The following SPEN variants were observed in gnomAD, a reference collection of about 807,000 sequenced individuals.
SPEN encodes the protein spen family transcriptional repressor.
In SPEN, 18 loss-of-function variants were observed where a neutral mutation model predicts 269.9. The observed-to-expected ratio is 0.07, with a 90% CI of 0.05 to 0.10. The LOEUF is 0.10. Ranked by LOEUF, SPEN falls within the 10% of genes least tolerant of loss-of-function variation. SPEN has a pLI of 1.00. For synonymous variants in SPEN, 1,726 were observed against 1,765.7 expected (o/e 0.98, Z 0.56); for missense variants, 3,822 against 4,631.2 (o/e 0.83, Z 5.07).
In SPEN at chr1:15,932,426, T is replaced by G. The variant is rs762467157; in HGVS notation, c.6186T>G (p.Val2062=). 5.6e-6 allele frequency: 9 copies of G among 1,613,594 alleles called. 1 individual carries two copies. In the South Asian group the frequency reaches 7.7e-5, roughly 14 times the overall value. The change falls in exon 11 of 15, where the codon GTT becomes GTG. Residue 2062 remains valine, a synonymous_variant. Transcript: ENST00000375759. This position sits in a 1 kb window ranked among gnomAD's most constrained non-coding sequence, Gnocchi z 4.2. ...CCCCTGAAACCGCCCCTGTTGAAGT[T>G]GTAGAGAAAAAACCGGCCCCTGAAA... ...KNPPETAPVE[V]VEKKPAPEKN... is the part of the protein sequence containing the mutation.
rs770247122 is a variant in SPEN, at chr1:15,934,416, A to G, written c.8176A>G (p.Asn2726Asp). 1 of 1,613,840 alleles carries G rather than the reference A, an allele frequency of 6.2e-7. No homozygotes were observed. Among genetic ancestry groups the G allele is most frequent in the Non-Finnish European group, 8.5e-7 (1 of 1,180,024 alleles). ...AGTGAATGCCGCCCCAGGCACAGTC[A>G]ATGCCGCTGCGAGTGCAGTGAATGC... ...GTVNAAPGTV[N>D]AAASAVNATA... Residue 2726 changes from asparagine to aspartate, a missense_variant, in exon 11 of 15, where the codon AAT becomes GAT. Asn to Asp is a conservative substitution (Grantham distance 23, BLOSUM62 1). This residue lies in a region of SPEN where 329 missense variants were observed against 431.2 expected (regional missense o/e 0.76). Coordinates refer to ENST00000375759, the MANE Select transcript of SPEN (RefSeq NM_015001.3). This position sits in a 1 kb window ranked among gnomAD's most constrained non-coding sequence, Gnocchi z 9.2.
intron 2 of SPEN, chr1:15,873,415 T>C: frequency 8.8e-7 from 1 of 1,136,786 alleles, no homozygotes; most frequent in Non-Finnish European, 1.1e-6. Context: ...CTTCTAGAAT[T>C]ACTTATTCCT....
At chr1:15,911,615 C>G (rs2071012629) in intron 5 of SPEN, among the ~76,000 whole-genome samples, 1 of 152,136 alleles carries the variant, frequency 6.6e-6, no homozygotes, top group Non-Finnish European at 1.5e-5. Flanking sequence ...TTTATCAAAA[C>G]TAGGAGGTAG....
chr1:15,859,992 A>C (rs1333438903), intron 1 of SPEN, among the ~76,000 whole-genome samples: 1 of 129,606 alleles, frequency 7.7e-6, no homozygotes, highest in Non-Finnish European at 1.5e-5. Flanking sequence ...GCTCACTGCA[A>C]GCTCCACCTC....
At position 15,937,546 on chromosome 1, in the gene SPEN, A is replaced by T. The variant is rs1553180369; in HGVS notation, c.10410A>T (p.Gly3470=). 1 of 1,614,102 alleles carries T rather than the reference A, an allele frequency of 6.2e-7. No individual in the cohort carries two copies. The highest frequency in any genetic ancestry group is 1.1e-5 in the South Asian group (1 of 91,084). The change falls in exon 12 of 15, where the codon GGA becomes GGT. Residue 3470 remains glycine, a synonymous_variant. Coordinates refer to ENST00000375759, the MANE Select transcript of SPEN (RefSeq NM_015001.3). This position sits in a 1 kb window ranked among gnomAD's most constrained non-coding sequence, Gnocchi z 5.7. ...PTTSGPSTPP[G]LVLPHTEFQP... ...CCTCTGGCCCCAGCACCCCACCAGGACTGGTTCTGCCACACACTGAATTCC... is the reference window on the plus strand; with the variant it reads ...CCTCTGGCCCCAGCACCCCACCAGGTCTGGTTCTGCCACACACTGAATTCC...
At chr1:15,870,075 G>A (rs1024833024) in intron 1 of SPEN, among the ~76,000 whole-genome samples, 1 of 152,050 alleles carries the variant, frequency 6.6e-6, no homozygotes, top group Non-Finnish European at 1.5e-5. Context: ...CACCATGTTG[G>A]TCAGGCTGGG....
At chr1:15,905,832 CA>C (rs2070950706) in intron 3 of SPEN, among the ~76,000 whole-genome samples, 2 of 152,122 alleles carry the variant, frequency 1.3e-5, no homozygotes, top group Non-Finnish European at 2.9e-5. Context: ...CTCAGCCTCC[CA>C]AAGTGCTGGG....
At position 15,848,591 on chromosome 1, in the gene SPEN, G is replaced by T. The variant is rs2070301049; in HGVS notation, c.83+441G>T. Among the ~76,000 whole-genome samples the T allele has an allele frequency of 6.6e-6, 1 of 150,434 alleles. No homozygotes were observed. The highest frequency in any genetic ancestry group is 2.2e-4 in the South Asian group (1 of 4,650). ...GCCGCCACTCCAAGCTGCTCTGCGG[G>T]CGCTCGGCAATGTCTGACTTCGGGA... is the stretch of plus-strand genomic sequence containing the variant. On this transcript the variant is annotated intron_variant, in intron 1 of 14. Transcript: ENST00000375759. This position sits in a 1 kb window ranked among gnomAD's most constrained non-coding sequence, Gnocchi z 5.1.
chr1:15,888,640 T>C (rs2070760979), intron 3 of SPEN, among the ~76,000 whole-genome samples: 1 of 147,504 alleles, frequency 6.8e-6, no homozygotes, highest in Non-Finnish European at 1.5e-5. Flanking sequence ...TGTAAACTCT[T>C]TTTTTTTTTG....
intron 1 of SPEN, among the ~76,000 whole-genome samples, chr1:15,870,250 G>A (rs1445170410): frequency 1.3e-5 from 2 of 152,264 alleles, no homozygotes; most frequent in African/African-American, 4.8e-5. Context: ...ACAAAGCCAT[G>A]GGTAGTTTGA....
At position 15,911,276 on chromosome 1, in the gene SPEN, T is replaced by C; in HGVS notation, c.1218T>C (p.Ile406=). The C allele has an allele frequency of 6.2e-7, 1 of 1,614,098 alleles. No individual in the cohort carries two copies. The highest frequency in any genetic ancestry group is 8.5e-7 in the Non-Finnish European group (1 of 1,179,972). ...SKGKLFFGMQ[I]EVTAWIGPET... ...GAAAACTTTTCTTTGGCATGCAGAT[T>C]GAAGTAACAGCATGGATAGGTCCAG... Residue 406 remains isoleucine, a synonymous_variant, in exon 5 of 15, where the codon ATT becomes ATC. Transcript: ENST00000375759.
chr1:15,851,698 A>G (rs765351283), intron 1 of SPEN, among the ~76,000 whole-genome samples: 2 of 147,762 alleles, frequency 1.4e-5, no homozygotes, highest in South Asian at 2.1e-4. Flanking sequence ...AAATATTGTT[A>G]AAGAGGCTGG....
At chr1:15,912,490 T>C (rs2071021061) in intron 5 of SPEN, among the ~76,000 whole-genome samples, 1 of 152,186 alleles carries the variant, frequency 6.6e-6, no homozygotes, top group East Asian at 1.9e-4. Flanking sequence ...TCTTGTAATA[T>C]TCATTTATTA....
Position 15,935,023 on chromosome 1 carries a change from C to A in SPEN, c.8783C>A (p.Thr2928Lys). 6.2e-7 allele frequency: 1 copy of A among 1,614,042 alleles called. No homozygotes were observed. The highest frequency in any genetic ancestry group is 8.5e-7 in the Non-Finnish European group (1 of 1,179,976). ...TCCACGCCTGTCACCCAGGGAGGCA[C>A]AGTGAAGGTTCTCACCCAGGGGATC... ...SVSTPVTQGG[T>K]VKVLTQGINT... The change falls in exon 11 of 15, where the codon ACA becomes AAA. Residue 2928 changes from threonine (T) to lysine (K), a missense_variant. By Grantham distance (78) the Thr-to-Lys change is moderately conservative. Transcript: ENST00000375759. This position sits in a 1 kb window ranked among gnomAD's most constrained non-coding sequence, Gnocchi z 7.7.
intron 9 of SPEN, among the ~76,000 whole-genome samples, chr1:15,921,579 C>T (rs1416676792): frequency 6.6e-6 from 1 of 152,170 alleles, no homozygotes; most frequent in Non-Finnish European, 1.5e-5. Flanking sequence ...TCATCGCAGG[C>T]TTGACCACAG....
chr1:15,862,656 A>T (rs2070459232), intron 1 of SPEN, among the ~76,000 whole-genome samples: 1 of 152,236 alleles, frequency 6.6e-6, no homozygotes, highest in Non-Finnish European at 1.5e-5. Context: ...TACTTAATAA[A>T]TAATTTTTCA....
chr1:15,934,031 A>G lies in SPEN; in HGVS notation c.7791A>G (p.Gln2597=), dbSNP rs1282041239. 1 of 1,613,578 alleles carries G rather than the reference A, an allele frequency of 6.2e-7. No homozygotes were observed. Among genetic ancestry groups the G allele is most frequent in the Non-Finnish European group, 8.5e-7 (1 of 1,179,620 alleles). ...APPVTNNSEI[Q]ASEVLVAADK... is the part of the protein sequence containing the mutation. ...CAGTGACAAACAACTCTGAGATACA[A>G]GCCTCGGAGGTGCTGGTAGCTGCTG... The change falls in exon 11 of 15, where the codon CAA becomes CAG. Residue 2597 remains glutamine (Q), a synonymous_variant. Transcript: ENST00000375759. The surrounding 1 kb of genome is among the most constrained non-coding windows in gnomAD (Gnocchi z 9.2).
chr1:15,892,304 G>A (rs1344993328), intron 3 of SPEN, among the ~76,000 whole-genome samples: 5 of 152,054 alleles, frequency 3.3e-5, no homozygotes, highest in African/African-American at 2.4e-5. Context: ...GATTACAGGC[G>A]TGAGCCACTG....
Position 15,889,856 on chromosome 1 carries a change from C to T in SPEN, c.881+13178C>T, listed in dbSNP as rs535934389. Among the ~76,000 whole-genome samples, 5 of 151,930 alleles carry T rather than the reference C, an allele frequency of 3.3e-5. No individual in the cohort carries two copies. The East Asian group carries it at 7.8e-4, about 24-fold the overall frequency. ...AGTTTCCCAAGTAGCTGGGATTACA[C>T]GTGCCTGCCACCATGCCCAGCTAAT... On this transcript the variant is annotated intron_variant, in intron 3 of 14. Transcript: ENST00000375759.
Sources: allele counts gnomAD v4.1 joint callset (sites outside exome capture counted in the v4.1 genomes callset), GRCh38; gene constraint gnomAD v4.1.1; regional missense constraint gnomAD v4.1.1; non-coding constraint Gnocchi (gnomAD v3.1); transcripts MANE v1.5; gene names NCBI Gene and HGNC (gene_info 2026-07-23, HGNC 2026-07-21).